Variants in ASAH2B observed in about 807,000 individuals in gnomAD.
ASAH2B encodes putative inactive neutral ceramidase B.
In ASAH2B, 1 loss-of-function variant was observed where a neutral mutation model predicts 2.9. That is an observed-to-expected ratio of 0.34 (90% CI 0.12 to 1.63). The LOEUF is 1.63. Ranked by LOEUF, ASAH2B falls within the 40% of genes most tolerant of loss-of-function variation. ASAH2B has a pLI of 0.36. For synonymous variants in ASAH2B, 4 were observed against 13.3 expected, an observed-to-expected ratio of 0.30 and a Z score of 1.52; for missense variants, 9 against 37.7, an observed-to-expected ratio of 0.24 and a Z score of 1.99.
At chr10:50,740,702 C>T (rs1839817363) in intron 1 of ASAH2B, among the ~76,000 whole-genome samples, 1 of 152,174 alleles carries the variant, frequency 6.6e-6, no homozygotes, top group African/African-American at 2.4e-5. Context: ...TGAAATGGCA[C>T]CCTTTCCCGC....
In ASAH2B at chr10:50,754,984, T is replaced by C. The variant is rs2495522; in HGVS notation, c.*244T>C. On this transcript the variant is annotated 3_prime_UTR_variant, in exon 6 of 6. Transcript: ENST00000647317. ...AGAGAGGTTTGTCCCATATATCTTG[T>C]TCCAGCAGCCATATATCTTGTGGTC... is the stretch of plus-strand genomic sequence containing the variant. The C allele has an allele frequency of 1.7e-3, 798 of 471,198 alleles. 6 individuals carry two copies. The highest frequency in any genetic ancestry group is 0.013 in the African/African-American group (633 of 46,968). The allele number at this position is 471,198 out of a possible 1,614,324, so 29.2% of individuals were successfully genotyped here.
chr10:50,747,420 G>T (rs1156953160), intron 3 of ASAH2B, among the ~76,000 whole-genome samples: 1 of 151,370 alleles, frequency 6.6e-6, no homozygotes, highest in Non-Finnish European at 1.5e-5. Flanking sequence ...GTCAGGTTGT[G>T]TGGTACCTTC....
intron 3 of ASAH2B, among the ~76,000 whole-genome samples, chr10:50,748,039 A>G (rs1839933129): frequency 1.3e-5 from 2 of 150,530 alleles, no homozygotes; most frequent in African/African-American, 4.9e-5. Context: ...AATTTTTATT[A>G]CTAATTCAAT....
At position 50,754,563 on chromosome 10, in the gene ASAH2B, CA is replaced by C. The variant is rs1837040209; in HGVS notation, c.308del (p.Lys103ArgfsTer6). ...TTTTTATCAACAGTTTTTATTGGCA[CA>C]AGGGACTCCTGGGTCTGAGTAATGC... ...ASWETRFYWH[K>X]GLLGLSNATV... On this transcript the variant is annotated frameshift_variant, in exon 6 of 6. Coordinates refer to ENST00000647317, the MANE Select transcript of ASAH2B (RefSeq NM_001321958.2). LOFTEE classifies it high-confidence loss of function. The C allele has an allele frequency of 4.3e-6, 1 of 234,914 alleles. No homozygotes were observed. Among genetic ancestry groups the C allele is most frequent in the East Asian group, 7.5e-5 (1 of 13,384 alleles). The allele number at this position is 234,914 out of a possible 1,614,324, so 14.6% of individuals were successfully genotyped here.
Position 50,754,891 on chromosome 10 carries a change from G to GGTGTGTGTGTGTGTGT in ASAH2B, c.*182_*197dup, listed in dbSNP as rs61180777. On this transcript the variant is annotated 3_prime_UTR_variant, in exon 6 of 6. Transcript: ENST00000647317. Reference sequence around the variant, plus strand: ...TAGTTTACTGCTAATGGGGTGGAGGGGTGTGTGTGTGTGTGTGTGTGTGTG... The same window carrying GGTGTGTGTGTGTGTGT: ...TAGTTTACTGCTAATGGGGTGGAGGGGTGTGTGTGTGTGTGTGTGTGTGTGTGTGTGTGTGTGTGTG... The GGTGTGTGTGTGTGTGT allele has an allele frequency of 1.0e-5, 2 of 194,074 alleles. No individual in the cohort carries two copies. The highest frequency in any genetic ancestry group is 8.6e-5 in the African/African-American group (2 of 23,242). The allele number at this position is 194,074 out of a possible 1,614,324, so 12.0% of individuals were successfully genotyped here.
At chr10:50,747,342 G>C (rs1217739061) in intron 3 of ASAH2B, among the ~76,000 whole-genome samples, 2 of 151,126 alleles carry the variant, frequency 1.3e-5, no homozygotes, top group African/African-American at 4.9e-5. Flanking sequence ...GTGTACCAAT[G>C]GTGTGTTGAT....
At position 50,754,891 on chromosome 10, in the gene ASAH2B, G is replaced by T. The variant is rs1480216040; in HGVS notation, c.*151G>T. 1.4e-5 allele frequency: 3 copies of T among 209,368 alleles called. No homozygotes were observed. Among genetic ancestry groups the T allele is most frequent in the Admixed American group, 2.1e-4 (2 of 9,594 alleles). 13.0% of individuals were successfully genotyped at this position (209,368 alleles called of 1,614,324 possible). A position where few individuals can be genotyped will look rare whatever the true frequency, so the allele number is the denominator to read the frequency against. ...TAGTTTACTGCTAATGGGGTGGAGG[G>T]GTGTGTGTGTGTGTGTGTGTGTGTG... On this transcript the variant is annotated 3_prime_UTR_variant, in exon 6 of 6. Transcript: ENST00000647317.
intron 3 of ASAH2B, among the ~76,000 whole-genome samples, chr10:50,745,896 G>T (rs1246727992): frequency 6.6e-6 from 1 of 150,468 alleles, no homozygotes; most frequent in East Asian, 1.9e-4. Context: ...TATATTTATT[G>T]TGTACAAGAT....
At position 50,756,876 on chromosome 10, in the gene ASAH2B, T is replaced by C. The variant is rs1347412307; in HGVS notation, c.*2136T>C. 6.6e-6 allele frequency: 1 copy of C among 151,546 alleles called. No homozygotes were observed. The highest frequency in any genetic ancestry group is 1.5e-5 in the Non-Finnish European group (1 of 67,794). The allele number at this position is 151,546 out of a possible 1,614,324, so 9.4% of individuals were successfully genotyped here. A position where few individuals can be genotyped will look rare whatever the true frequency, so the allele number is the denominator to read the frequency against. ...GATATAAAAACACAGATCCAATTCG[T>C]GTCTGTGGATGCTGCAAGGACTGGC... On this transcript the variant is annotated 3_prime_UTR_variant, in exon 6 of 6. Transcript: ENST00000647317.
chr10:50,747,489 A>G (rs181872836), intron 3 of ASAH2B, among the ~76,000 whole-genome samples: 19 of 151,706 alleles, frequency 1.3e-4, no homozygotes, highest in African/African-American at 4.4e-4. Context: ...GTGAGACTGG[A>G]CACTCTTGTC....
chr10:50,740,395 G>A (rs1839810926), intron 1 of ASAH2B, among the ~76,000 whole-genome samples: 2 of 152,112 alleles, frequency 1.3e-5, no homozygotes. Flanking sequence ...GTTTCAAAGC[G>A]TTCCTAGTGC....
chr10:50,741,226 C>G (rs1233120396), intron 1 of ASAH2B, among the ~76,000 whole-genome samples: 7 of 152,230 alleles, frequency 4.6e-5, no homozygotes, highest in Non-Finnish European at 1.0e-4. Flanking sequence ...CCACTCTCTT[C>G]TACCCAGTAT....
At position 50,758,037 on chromosome 10, in the gene ASAH2B, C is replaced by T. The variant is rs982832047; in HGVS notation, c.*3297C>T. 1 of 150,782 alleles carries T rather than the reference C, an allele frequency of 6.6e-6. No homozygotes were observed. Among genetic ancestry groups the T allele is most frequent in the African/African-American group, 2.4e-5 (1 of 40,952 alleles). 9.3% of individuals were successfully genotyped at this position (150,782 alleles called of 1,614,324 possible). Reference sequence around the variant, plus strand: ...AGGAGAGAGTTCTCTTTATAATCCCCTTTTAGAAGGTGGAAAATAGTAAGA... The same window carrying T: ...AGGAGAGAGTTCTCTTTATAATCCCTTTTTAGAAGGTGGAAAATAGTAAGA... On this transcript the variant is annotated 3_prime_UTR_variant, in exon 6 of 6. Transcript: ENST00000647317.
rs571691847 is a variant in ASAH2B, at chr10:50,754,983, G to C, written c.*243G>C. ...GAGAGAGGTTTGTCCCATATATCTTGTTCCAGCAGCCATATATCTTGTGGT... is the reference window on the plus strand; with the variant it reads ...GAGAGAGGTTTGTCCCATATATCTTCTTCCAGCAGCCATATATCTTGTGGT... On this transcript the variant is annotated 3_prime_UTR_variant, in exon 6 of 6. Transcript: ENST00000647317. 2.3e-4 allele frequency: 110 copies of C among 470,362 alleles called. 1 individual carries two copies. The highest frequency in any genetic ancestry group is 1.5e-3 in the African/African-American group (71 of 46,834). 29.1% of individuals were successfully genotyped at this position (470,362 alleles called of 1,614,324 possible). A position where few individuals can be genotyped will look rare whatever the true frequency, so the allele number is the denominator to read the frequency against.
chr10:50,744,263 G>A (rs1371392994), intron 2 of ASAH2B, among the ~76,000 whole-genome samples: 1 of 151,270 alleles, frequency 6.6e-6, no homozygotes, highest in Non-Finnish European at 1.5e-5. Flanking sequence ...TTCAAATTTT[G>A]TAGTGACAAT....
chr10:50,755,782 T>TG lies in ASAH2B; in HGVS notation c.*1046dup, dbSNP rs926364408. 6.6e-6 allele frequency: 1 copy of TG among 151,102 alleles called. No individual in the cohort carries two copies. Among genetic ancestry groups the TG allele is most frequent in the Non-Finnish European group, 1.5e-5 (1 of 67,578 alleles). 9.4% of individuals were successfully genotyped at this position (151,102 alleles called of 1,614,324 possible). ...CCTTGATAATTAGTGAATTTGTACT[T>TG]GGGGTGAATGTGTAAGTGTCAAAAG... On this transcript the variant is annotated 3_prime_UTR_variant, in exon 6 of 6. Transcript: ENST00000647317.
chr10:50,740,663 A>C (rs1043628109), intron 1 of ASAH2B, among the ~76,000 whole-genome samples: 1 of 152,190 alleles, frequency 6.6e-6, no homozygotes, highest in African/African-American at 2.4e-5. Context: ...ACATTTATTA[A>C]ACGGAATTAA....
intron 3 of ASAH2B, among the ~76,000 whole-genome samples, chr10:50,745,926 A>G (rs1317327228): frequency 1.3e-5 from 2 of 151,248 alleles, no homozygotes; most frequent in African/African-American, 2.4e-5. Context: ...AAATATGTAT[A>G]CATGGGGAAT....
At chr10:50,744,218 C>T (rs1008474707) in intron 2 of ASAH2B, among the ~76,000 whole-genome samples, 1 of 151,428 alleles carries the variant, frequency 6.6e-6, no homozygotes, top group Non-Finnish European at 1.5e-5. Context: ...TCACTATGCT[C>T]ATAGGTCTAT....
Sources: allele counts gnomAD v4.1 joint callset (sites outside exome capture counted in the v4.1 genomes callset), GRCh38; gene constraint gnomAD v4.1.1; transcripts MANE v1.5; gene names NCBI Gene and HGNC (gene_info 2026-07-23, HGNC 2026-07-21).